The following SYNPR variants were observed in gnomAD, a reference collection of about 807,000 sequenced individuals.
SYNPR encodes the protein synaptoporin.
In SYNPR, 23 loss-of-function variants were observed where a neutral mutation model predicts 32.9. The ratio of observed to expected loss-of-function variants is 0.70; its 90% CI spans 0.50 to 0.99. SYNPR has a LOEUF of 0.99. Among genes scored for constraint, SYNPR ranks in the 50% least tolerant of loss-of-function variants. SYNPR has a pLI of 0.00. For missense variants in SYNPR, 318 were observed against 349.3 expected (o/e 0.91, Z 0.71); for synonymous variants, 146 against 135.9 (o/e 1.07, Z -0.52).
At chr3:63,544,874 TCACACA>T (rs10640275) in intron 3 of SYNPR, among the ~76,000 whole-genome samples, 1 of 150,676 alleles carries the variant, frequency 6.6e-6, no homozygotes, top group Non-Finnish European at 1.5e-5. Context: ...CATTCAAACT[TCACACA>T]CACACACACA....
At chr3:63,408,270 A>AGG (rs2088403901) in intron 2 of SYNPR, among the ~76,000 whole-genome samples, 3 of 119,280 alleles carry the variant, frequency 2.5e-5, no homozygotes, top group Admixed American at 8.3e-5. Context: ...AGAAAGAAAG[A>AGG]AAGAAAGAGG....
At chr3:63,266,475 G>A (rs556060090) in intron 2 of SYNPR, among the ~76,000 whole-genome samples, 90 of 151,842 alleles carry the variant, frequency 5.9e-4, no homozygotes, top group Middle Eastern at 6.8e-3. Context: ...GGCCAAGGTG[G>A]GCAAATCACC....
intron 4 of SYNPR, among the ~76,000 whole-genome samples, chr3:63,566,942 A>T (rs189665539): frequency 4.2e-4 from 64 of 152,270 alleles, no homozygotes; most frequent in African/African-American, 1.5e-3. Flanking sequence ...ATTAAATCTC[A>T]TTGGACTGAT....
chr3:63,505,148 A>G (rs921083796), intron 3 of SYNPR, among the ~76,000 whole-genome samples: 1 of 152,194 alleles, frequency 6.6e-6, no homozygotes, highest in Non-Finnish European at 1.5e-5. Context: ...CGCTTTAGAC[A>G]CATGTAATTT....
At chr3:63,600,059 C>T (rs940909229) in intron 4 of SYNPR, among the ~76,000 whole-genome samples, 68 of 152,164 alleles carry the variant, frequency 4.5e-4, no homozygotes, top group African/African-American at 1.6e-3. Flanking sequence ...TTTTGGAAAG[C>T]TTGTGATACG....
chr3:63,451,080 C>A (rs1700373126), intron 2 of SYNPR, among the ~76,000 whole-genome samples: 1 of 152,102 alleles, frequency 6.6e-6, no homozygotes. Context: ...GCCTTCGTAT[C>A]TTCATCTGCA....
At chr3:63,294,269 A>G (rs1480726703) in intron 2 of SYNPR, among the ~76,000 whole-genome samples, 1 of 152,200 alleles carries the variant, frequency 6.6e-6, no homozygotes, top group Non-Finnish European at 1.5e-5. Flanking sequence ...AAGATTATAC[A>G]TTTTTAAGGT....
At chr3:63,203,791 G>C in the SYNPR span, among the ~76,000 whole-genome samples, 1 of 152,094 alleles carries the variant, frequency 6.6e-6, no homozygotes, top group Non-Finnish European at 1.5e-5. Flanking sequence ...GAGGTCAGGA[G>C]TTTGAGACCA....
intron 3 of SYNPR, among the ~76,000 whole-genome samples, chr3:63,533,397 G>T (rs1359631451): frequency 1.3e-5 from 2 of 152,264 alleles, no homozygotes; most frequent in East Asian, 1.9e-4. Flanking sequence ...CCTTTTGGGA[G>T]ATTAAAGAAG....
intron 5 of SYNPR, among the ~76,000 whole-genome samples, chr3:63,611,927 G>A (rs1324254516): frequency 6.6e-6 from 1 of 152,084 alleles, no homozygotes; most frequent in Non-Finnish European, 1.5e-5. Context: ...ACACTTTACT[G>A]GGCAAACATA....
intron 3 of SYNPR, among the ~76,000 whole-genome samples, chr3:63,544,593 T>A (rs1702366610): frequency 6.6e-6 from 1 of 152,090 alleles, no homozygotes; most frequent in Admixed American, 6.6e-5. Context: ...ACATGAATAA[T>A]GAAATGACAG....
chr3:63,335,304 G>GACTGCGCC (rs1189354582), intron 2 of SYNPR, among the ~76,000 whole-genome samples: 2 of 138,460 alleles, frequency 1.4e-5, no homozygotes, highest in Non-Finnish European at 3.0e-5. Context: ...AGTGAGCCGA[G>GACTGCGCC]ACTGCGCCAC....
rs111371462 is a variant in SYNPR, at chr3:63,515,229, C to T, written c.209+34273C>T. Among the ~76,000 whole-genome samples the T allele has an allele frequency of 3.9e-3, 597 of 152,206 alleles. 5 individuals carry two copies. The highest frequency in any genetic ancestry group is 0.014 in the African/African-American group (565 of 41,548). On this transcript the variant is annotated intron_variant, in intron 3 of 5. Coordinates refer to ENST00000478300, the MANE Select transcript of SYNPR (RefSeq NM_001130003.2). ...ATCTGCGAGCTTATGATATATCAGA[C>T]TTTGCCCTACATTTCTATGTGGCTA...
At chr3:63,203,811 A>G in the SYNPR span, among the ~76,000 whole-genome samples, 2 of 150,836 alleles carry the variant, frequency 1.3e-5, no homozygotes, top group African/African-American at 4.8e-5. Context: ...AGCCAGGCCA[A>G]TCTGGTGAAA....
At chr3:63,575,354 T>A (rs1366826266) in intron 4 of SYNPR, among the ~76,000 whole-genome samples, 1 of 152,140 alleles carries the variant, frequency 6.6e-6, no homozygotes, top group Admixed American at 6.5e-5. Flanking sequence ...GCCTTCCAGA[T>A]TTTTCTTCTT....
At chr3:63,260,063 A>G (rs138902850) in intron 2 of SYNPR, among the ~76,000 whole-genome samples, 2,313 of 152,314 alleles carry the variant, frequency 0.015, 62 homozygotes, top group African/African-American at 0.052. Flanking sequence ...GCTCAATGAA[A>G]TAAAAGAGGA....
At chr3:63,462,607 T>A (rs1700605702) in intron 2 of SYNPR, among the ~76,000 whole-genome samples, 1 of 152,144 alleles carries the variant, frequency 6.6e-6, no homozygotes, top group Non-Finnish European at 1.5e-5. Context: ...AGTACTAGCT[T>A]CCTAAAGTCA....
At chr3:63,206,241 A>T in the SYNPR span, among the ~76,000 whole-genome samples, 39 of 152,180 alleles carry the variant, frequency 2.6e-4, no homozygotes, top group African/African-American at 8.9e-4. Flanking sequence ...ACTTGCTTAG[A>T]ATTACCAGTT....
intron 4 of SYNPR, among the ~76,000 whole-genome samples, chr3:63,582,022 T>C (rs1245913339): frequency 2.6e-5 from 4 of 152,158 alleles, no homozygotes; most frequent in African/African-American, 9.6e-5. Context: ...GATTCAATAC[T>C]ATTTGCCATG....
Sources: allele counts gnomAD v4.1 joint callset (sites outside exome capture counted in the v4.1 genomes callset), GRCh38; gene constraint gnomAD v4.1.1; transcripts MANE v1.5; gene names NCBI Gene and HGNC (gene_info 2026-07-23, HGNC 2026-07-21).